PPM1E: variants seen among roughly 807,000 people sequenced by gnomAD.
PPM1E encodes protein phosphatase 1E.
Under a neutral mutation model 65.9 loss-of-function variants are expected in PPM1E, and 20 were observed. That is an observed-to-expected ratio of 0.30 (90% CI 0.21 to 0.44). The LOEUF (loss-of-function observed/expected upper bound fraction) is 0.44, where lower values mean the gene tolerates loss of function less well. Ranked by LOEUF, PPM1E falls within the 20% of genes least tolerant of loss-of-function variation. The pLI is 1.00. For synonymous variants in PPM1E, 352 were observed against 374.9 expected, an observed-to-expected ratio of 0.94 and a Z score of 0.70; for missense variants, 713 against 953.1, an observed-to-expected ratio of 0.75 and a Z score of 3.32.
intron 1 of PPM1E, among the ~76,000 whole-genome samples, chr17:58,954,108 A>G (rs2052280729): frequency 6.6e-6 from 1 of 152,040 alleles, no homozygotes; most frequent in African/African-American, 2.4e-5. Flanking sequence ...TTCCTTCACA[A>G]ACTTGTTATT....
At chr17:58,953,582 A>C (rs1479558067) in intron 1 of PPM1E, among the ~76,000 whole-genome samples, 1 of 152,180 alleles carries the variant, frequency 6.6e-6, no homozygotes, top group African/African-American at 2.4e-5. Flanking sequence ...TTTCAACATG[A>C]AATTTGAAAT....
At chr17:58,891,254 C>G (rs562289698) in intron 1 of PPM1E, among the ~76,000 whole-genome samples, 42 of 151,804 alleles carry the variant, frequency 2.8e-4, no homozygotes, top group Non-Finnish European at 5.0e-4. Flanking sequence ...GCATGAGCCA[C>G]TCGCACCTGG....
intron 1 of PPM1E, among the ~76,000 whole-genome samples, chr17:58,885,484 G>T (rs769807534): frequency 6.6e-6 from 1 of 152,202 alleles, no homozygotes; most frequent in Non-Finnish European, 1.5e-5. Context: ...TTGATTAAAA[G>T]CTCTTTAGGA....
At chr17:58,979,442 C>A (rs564842456) in intron 6 of PPM1E, among the ~76,000 whole-genome samples, 1 of 152,282 alleles carries the variant, frequency 6.6e-6, no homozygotes, top group South Asian at 2.1e-4. Context: ...TAACTCAAAC[C>A]TTCCTTCGTG....
intron 1 of PPM1E, among the ~76,000 whole-genome samples, chr17:58,847,006 T>G (rs1292794556): frequency 6.6e-6 from 1 of 152,246 alleles, no homozygotes; most frequent in African/African-American, 2.4e-5. Flanking sequence ...TGATTTGCAT[T>G]TCTCTGATGA....
At chr17:58,958,369 C>T (rs1225298551) in intron 2 of PPM1E, among the ~76,000 whole-genome samples, 1 of 151,696 alleles carries the variant, frequency 6.6e-6, no homozygotes, top group Non-Finnish European at 1.5e-5. Flanking sequence ...CATCACCATG[C>T]TCGGCTAATG....
At chr17:58,771,692 TAA>T (rs59899938) in intron 1 of PPM1E, among the ~76,000 whole-genome samples, 1 of 151,230 alleles carries the variant, frequency 6.6e-6, no homozygotes, top group South Asian at 2.1e-4. Context: ...CAGTATTCTT[TAA>T]AAAAAAAATG....
intron 1 of PPM1E, among the ~76,000 whole-genome samples, chr17:58,863,659 C>T (rs7219856): frequency 0.15 from 22,307 of 152,048 alleles, 2,549 homozygotes; most frequent in East Asian, 0.31. Flanking sequence ...AATGAGGTCA[C>T]ACAGACTTGA....
chr17:58,789,277 C>T (rs936909011), intron 1 of PPM1E, among the ~76,000 whole-genome samples: 1 of 152,194 alleles, frequency 6.6e-6, no homozygotes, highest in Non-Finnish European at 1.5e-5. Context: ...TGTTCCACAT[C>T]AAATAGCACC....
At chr17:58,805,973 AC>A (rs1310270465) in intron 1 of PPM1E, among the ~76,000 whole-genome samples, 8,465 of 115,538 alleles carry the variant, frequency 0.073, 1,000 homozygotes, top group African/African-American at 0.11. Context: ...AAAAAAAAAA[AC>A]AAAAAAAAAA....
chr17:58,805,978 AAAAAAACAAAAC>A lies in PPM1E; in HGVS notation c.464+49522_464+49533del, dbSNP rs1567838869. On this transcript the variant is annotated intron_variant, in intron 1 of 6. Transcript: ENST00000308249. ...AAAAAAAACAAAAAAAAAAAACAAA[AAAAAAACAAAAC>A]AAAACAAAACAAAAAAAAAACTATA... Among the ~76,000 whole-genome samples the A allele has an allele frequency of 6.2e-4, 68 of 109,162 alleles. 1 individual carries two copies. The highest frequency in any genetic ancestry group is 9.3e-4 in the African/African-American group (21 of 22,642). 71.6% of individuals were successfully genotyped at this position (109,162 alleles called of 152,430 possible).
rs143581877 is a variant in PPM1E, at chr17:58,939,246, T to G, written c.465-16403T>G. Among the ~76,000 whole-genome samples, 520 of 152,308 alleles carry G rather than the reference T, an allele frequency of 3.4e-3. 2 individuals carry two copies. The highest frequency in any genetic ancestry group is 0.012 in the African/African-American group (502 of 41,580). Reference sequence around the variant, plus strand: ...TAGAATGCAGTTACATTTTTATAATTCAAAATCTTCCACCAAGCATGTTTT... The same window carrying G: ...TAGAATGCAGTTACATTTTTATAATGCAAAATCTTCCACCAAGCATGTTTT... On this transcript the variant is annotated intron_variant, in intron 1 of 6. Coordinates refer to ENST00000308249, the MANE Select transcript of PPM1E (RefSeq NM_014906.5).
intron 1 of PPM1E, among the ~76,000 whole-genome samples, chr17:58,910,339 C>T (rs973141865): frequency 1.3e-5 from 2 of 152,140 alleles, no homozygotes; most frequent in Non-Finnish European, 2.9e-5. Context: ...CTCTAGCATT[C>T]ATTTTGGCTC....
At chr17:58,931,184 C>T (rs1408648725) in intron 1 of PPM1E, among the ~76,000 whole-genome samples, 1 of 151,706 alleles carries the variant, frequency 6.6e-6, no homozygotes, top group Non-Finnish European at 1.5e-5. Context: ...GTCGGGAGTT[C>T]GAGACCAGCC....
intron 6 of PPM1E, among the ~76,000 whole-genome samples, chr17:58,979,619 T>C (rs2143816376): frequency 6.6e-6 from 1 of 152,324 alleles, no homozygotes; most frequent in Non-Finnish European, 1.5e-5. Context: ...GAATCAACCA[T>C]GTCTTCCTAC....
At chr17:58,786,717 G>T (rs1283153088) in intron 1 of PPM1E, among the ~76,000 whole-genome samples, 5 of 152,198 alleles carry the variant, frequency 3.3e-5, no homozygotes, top group Non-Finnish European at 7.3e-5. Context: ...AATAAAGAGA[G>T]ACTACTGTAA....
chr17:58,902,827 A>G (rs62083411), intron 1 of PPM1E, among the ~76,000 whole-genome samples: 22,609 of 152,194 alleles, frequency 0.15, 2,079 homozygotes, highest in Middle Eastern at 0.21. Flanking sequence ...TTATTAAAGT[A>G]TATTAGAAAT....
intron 1 of PPM1E, among the ~76,000 whole-genome samples, chr17:58,778,491 C>T (rs1198268436): frequency 6.9e-6 from 1 of 145,016 alleles, no homozygotes; most frequent in Non-Finnish European, 1.5e-5. Context: ...CTCACTGCAA[C>T]TTCTGCCTGT....
intron 1 of PPM1E, among the ~76,000 whole-genome samples, chr17:58,952,192 G>T (rs2052248809): frequency 6.6e-6 from 1 of 152,178 alleles, no homozygotes; most frequent in Admixed American, 6.5e-5. Flanking sequence ...TACTGGGGTT[G>T]GGACCATTGG....
Sources: allele counts gnomAD v4.1 joint callset (sites outside exome capture counted in the v4.1 genomes callset), GRCh38; gene constraint gnomAD v4.1.1; transcripts MANE v1.5; gene names NCBI Gene and HGNC (gene_info 2026-07-23, HGNC 2026-07-21).